Variants in GMIP observed in about 807,000 individuals in gnomAD.
The protein encoded by GMIP is GEM-interacting protein.
A neutral mutation model predicts 105.3 loss-of-function variants in GMIP; 54 were observed. That is an observed-to-expected ratio of 0.51 (90% CI 0.41 to 0.64). GMIP has a LOEUF of 0.64. GMIP is among the 30% of genes least tolerant of loss of function. The pLI is 0.00. For synonymous variants in GMIP, 541 were observed against 560.8 expected (o/e 0.96, Z 0.50); for missense variants, 1,110 against 1,319.4 (o/e 0.84, Z 2.46).
chr19:19,642,775 G>A (rs911197788), intron 1 of GMIP, among the ~76,000 whole-genome samples, 156 bp from the exon 2 acceptor site: 6 of 152,018 alleles, frequency 3.9e-5, no homozygotes, highest in African/African-American at 1.4e-4. Context: ...ACTCGAGGCA[G>A]GCAGATGGAC....
chr19:19,633,288 C>G (rs1200908424), intron 19 of GMIP, among the ~76,000 whole-genome samples: 1 of 152,134 alleles, frequency 6.6e-6, no homozygotes, highest in Non-Finnish European at 1.5e-5. Context: ...GAACTCCTGA[C>G]CTCAGGTGAT....
rs770029564 is a variant in GMIP, at chr19:19,633,814, T to G, written c.2461A>C (p.Thr821Pro). 1 of 1,465,274 alleles carries G rather than the reference T, an allele frequency of 6.8e-7. No individual in the cohort carries two copies. Among genetic ancestry groups the G allele is most frequent in the Non-Finnish European group, 9.0e-7 (1 of 1,107,244 alleles). The allele number at this position is 1,465,274 out of a possible 1,614,324, so 90.8% of individuals were successfully genotyped here. The change falls in exon 19 of 21, where the codon ACA becomes CCA. Residue 821 changes from threonine (T) to proline (P), a missense_variant. Physicochemically the swap from Thr to Pro is conservative, Grantham distance 38. This residue lies in a region of GMIP where 394 missense variants were observed against 450.5 expected (regional missense o/e 0.87). Coordinates refer to ENST00000203556, the MANE Select transcript of GMIP (RefSeq NM_016573.4). ...HSTLEQHPTA[T>P]PTEIPTPQSD... ...CAGTGGGTTCTTACCTCGGTAGGTG[T>G]GGCCGTGGGATGCTGCTCCAGGGTA...
At chr19:19,632,357 T>C (rs2061805514) in intron 19 of GMIP, among the ~76,000 whole-genome samples, 1 of 152,034 alleles carries the variant, frequency 6.6e-6, no homozygotes, top group Non-Finnish European at 1.5e-5. Context: ...CCCAGCACTT[T>C]GGGAGGCTGA....
At position 19,638,313 on chromosome 19, in the gene GMIP, G is replaced by A. The variant is rs1034814085; in HGVS notation, c.635C>T (p.Ala212Val). The A allele has an allele frequency of 1.9e-6, 3 of 1,613,352 alleles. No individual in the cohort carries two copies. The highest frequency in any genetic ancestry group is 1.3e-5 in the African/African-American group (1 of 74,938). The change falls in exon 9 of 21, where the codon GCA becomes GTA. Residue 212 changes from alanine to valine, a missense_variant. Physicochemically the swap from Ala to Val is moderately conservative, Grantham distance 64. Transcript: ENST00000203556. ...EQKRMNEAVQ[A>V]LRRAQLQYVQ... is the part of the protein sequence containing the mutation. ...ATACTGCAGCTGGGCGCGCCGCAGT[G>A]CCTGCACCGCCTCATTCTGGGGGAT...
At position 19,642,615 on chromosome 19, in the gene GMIP, G is replaced by T; in HGVS notation, c.24C>A (p.Leu8=). ...TCTTCCTGCCCTCAGGACCTGGGGG[G>T]AGTCCTAGGGGAGGGGAGTGTAATA... MDAAEPG[L]PPGPEGRKRY... Residue 8 remains leucine (L), a synonymous_variant, in exon 2 of 21, where the codon CTC becomes CTA. Coordinates refer to ENST00000203556, the MANE Select transcript of GMIP (RefSeq NM_016573.4). 6.3e-7 allele frequency: 1 copy of T among 1,581,314 alleles called. No homozygotes were observed. Among genetic ancestry groups the T allele is most frequent in the Non-Finnish European group, 8.7e-7 (1 of 1,151,350 alleles).
rs1439804499 is a variant in GMIP at position 19,630,665 on chromosome 19, G to A, written c.2473-128C>T. ...CCAGTGCAAAGGCCCTGAGGTAGGA[G>A]CATGCCTGGTATGTTAGGACGCAGC... On this transcript the variant is annotated intron_variant, in intron 19 of 20. Coordinates refer to ENST00000203556, the MANE Select transcript of GMIP (RefSeq NM_016573.4). This position sits in a 1 kb window ranked among gnomAD's most constrained non-coding sequence, Gnocchi z 4.8. 2 of 768,332 alleles carry A rather than the reference G, an allele frequency of 2.6e-6. No homozygotes were observed. The highest frequency in any genetic ancestry group is 4.5e-6 in the Non-Finnish European group (2 of 447,758). The allele number at this position is 768,332 out of a possible 1,614,324, so 47.6% of individuals were successfully genotyped here. A position where few individuals can be genotyped will look rare whatever the true frequency, so the allele number is the denominator to read the frequency against.
chr19:19,636,598 G>A (rs897113377), intron 13 of GMIP, 109 bp downstream of exon 13: 3 of 801,192 alleles, frequency 3.7e-6, no homozygotes, highest in Non-Finnish European at 6.8e-6. Flanking sequence ...TCAGGGGTGT[G>A]GGGTAGGTCA....
Position 19,629,839 on chromosome 19 carries a change from C to T in GMIP, c.*124G>A, listed in dbSNP as rs1435990680. 1.2e-5 allele frequency: 11 copies of T among 951,128 alleles called. No individual in the cohort carries two copies. Among genetic ancestry groups the T allele is most frequent in the Non-Finnish European group, 1.7e-5 (11 of 650,748 alleles). 58.9% of individuals were successfully genotyped at this position (951,128 alleles called of 1,614,324 possible). Reference sequence around the variant, plus strand: ...TTAAATAGTTTTTCCTTATAGGAACCCTCTGGACCTCTCCCAGCATTGAAC... The same window carrying T: ...TTAAATAGTTTTTCCTTATAGGAACTCTCTGGACCTCTCCCAGCATTGAAC... On this transcript the variant is annotated 3_prime_UTR_variant, in exon 21 of 21. Transcript: ENST00000203556.
In GMIP at chr19:19,636,732, G is replaced by A. The variant is rs1380930134; in HGVS notation, c.1302C>T (p.Ser434=). 2 of 1,613,606 alleles carry A rather than the reference G, an allele frequency of 1.2e-6. No homozygotes were observed. The highest frequency in any genetic ancestry group is 3.3e-5 in the Admixed American group (2 of 59,968). ...DSVGGGSESR[S]LDSPTSSPGA... ...CTGGGCTGGAAGTGGGTGAGTCCAG[G>A]GACCGAGACTCGCTGCCGCCACCCA... The change falls in exon 13 of 21, where the codon TCC becomes TCT. Residue 434 remains serine (S), a synonymous_variant. Transcript: ENST00000203556.
chr19:19,634,767 C>T lies in GMIP; in HGVS notation c.1887+25G>A, dbSNP rs373919858. 2.5e-6 allele frequency: 4 copies of T among 1,612,136 alleles called. No individual in the cohort carries two copies. Among genetic ancestry groups the T allele is most frequent in the African/African-American group, 1.3e-5 (1 of 74,736 alleles). ...GGCTGTGGAGGGCTCCTGCCCGCGT[C>T]CCCCTCAGTGTCCTGAGCACCAACC... On this transcript the variant is annotated intron_variant, in intron 17 of 20. Transcript: ENST00000203556. This position sits in a 1 kb window ranked among gnomAD's most constrained non-coding sequence, Gnocchi z 6.1.
Position 19,629,641 on chromosome 19 carries a change from G to T in GMIP, c.*322C>A. The T allele has an allele frequency of 3.4e-6, 1 of 297,444 alleles. No homozygotes were observed. The highest frequency in any genetic ancestry group is 6.3e-6 in the Non-Finnish European group (1 of 159,062). 18.4% of individuals were successfully genotyped at this position (297,444 alleles called of 1,614,324 possible). On this transcript the variant is annotated 3_prime_UTR_variant, in exon 21 of 21. Coordinates refer to ENST00000203556, the MANE Select transcript of GMIP (RefSeq NM_016573.4). ...TAGCAAAAGCACCCCTGTCCCAGGT[G>T]TCAGAGACTAGGGTGGACCCCAAGG...
intron 19 of GMIP, among the ~76,000 whole-genome samples, chr19:19,631,564 A>G (rs2061795576): frequency 6.6e-6 from 1 of 152,234 alleles, no homozygotes; most frequent in Non-Finnish European, 1.5e-5. Flanking sequence ...CAGGAATGGC[A>G]GATGCAGCAA....
In GMIP at chr19:19,637,276, C is replaced by T; in HGVS notation, c.1124+89G>A. On this transcript the variant is annotated intron_variant, in intron 11 of 20. Coordinates refer to ENST00000203556, the MANE Select transcript of GMIP (RefSeq NM_016573.4). This position sits in a 1 kb window ranked among gnomAD's most constrained non-coding sequence, Gnocchi z 6.7. ...CTAAATTCCACTAAGGCTTTGCGTT[C>T]TCTAACCTCGAGTAACCAGCCTGCG... 9.3e-6 allele frequency: 9 copies of T among 964,944 alleles called. No homozygotes were observed. Among genetic ancestry groups the T allele is most frequent in the Non-Finnish European group, 1.2e-5 (8 of 646,600 alleles). 59.8% of individuals were successfully genotyped at this position (964,944 alleles called of 1,614,324 possible).
Position 19,630,185 on chromosome 19 carries a change from C to A in GMIP, c.2691G>T (p.Glu897Asp). The part of the protein sequence containing the change: ...LALVASKLCE[E>D]TPITSVPRGS... ...CTCTGGGCACTGATGTGATGGGGGT[C>A]TCCTCGCACAGCTTGGAAGCCACCA... Residue 897 changes from glutamate (E) to aspartate (D), a missense_variant, in exon 21 of 21, where the codon GAG becomes GAT. Physicochemically the swap from Glu to Asp is conservative, Grantham distance 45. Coordinates refer to ENST00000203556, the MANE Select transcript of GMIP (RefSeq NM_016573.4). This position sits in a 1 kb window ranked among gnomAD's most constrained non-coding sequence, Gnocchi z 4.8. 1.2e-6 allele frequency: 2 copies of A among 1,602,452 alleles called. No individual in the cohort carries two copies. The highest frequency in any genetic ancestry group is 1.7e-6 in the Non-Finnish European group (2 of 1,171,834).
At position 19,634,835 on chromosome 19, in the gene GMIP, G is replaced by A. The variant is rs1448417124; in HGVS notation, c.1844C>T (p.Ser615Leu). Residue 615 changes from serine to leucine, a missense_variant, in exon 17 of 21, where the codon TCG becomes TTG. This residue lies in a region of GMIP where 49 missense variants were observed against 95.6 expected (regional missense o/e 0.51). Coordinates refer to ENST00000203556, the MANE Select transcript of GMIP (RefSeq NM_016573.4). The surrounding 1 kb of genome is among the most constrained non-coding windows in gnomAD (Gnocchi z 6.1). ...GAGGACACTCGAGACGTCATGAGGCGAGTTCCCCGACAGCTCCACCAACGC... is the reference window on the plus strand; with the variant it reads ...GAGGACACTCGAGACGTCATGAGGCAAGTTCCCCGACAGCTCCACCAACGC... Reference protein sequence around the residue: ...GRALVELSGNSPHDVSSVLKR... With the variant: ...GRALVELSGNLPHDVSSVLKR... 6 of 1,613,860 alleles carry A rather than the reference G, an allele frequency of 3.7e-6. No individual in the cohort carries two copies. The highest frequency in any genetic ancestry group is 1.1e-5 in the South Asian group (1 of 91,084).
At chr19:19,642,923 T>G (rs1013513506) in intron 1 of GMIP, among the ~76,000 whole-genome samples, 4 of 151,962 alleles carry the variant, frequency 2.6e-5, no homozygotes, top group African/African-American at 9.7e-5. Flanking sequence ...AAAGCCGGTC[T>G]GACAATGGAA....
Position 19,630,691 on chromosome 19 carries a change from C to T in GMIP, c.2473-154G>A, listed in dbSNP as rs973963434. Among the ~76,000 whole-genome samples, 5 of 152,106 alleles carry T rather than the reference C, an allele frequency of 3.3e-5. No individual in the cohort carries two copies. Among genetic ancestry groups the T allele is most frequent in the African/African-American group, 1.2e-4 (5 of 41,422 alleles). On this transcript the variant is annotated intron_variant, in intron 19 of 20. Transcript: ENST00000203556. The surrounding 1 kb of genome is among the most constrained non-coding windows in gnomAD (Gnocchi z 4.8). ...CATGCCTGGTATGTTAGGACGCAGCCCCACCCTGTAATGAATGAGGGAAAG... is the reference window on the plus strand; with the variant it reads ...CATGCCTGGTATGTTAGGACGCAGCTCCACCCTGTAATGAATGAGGGAAAG...
At position 19,630,257 on chromosome 19, in the gene GMIP, G is replaced by A. The variant is rs762075421; in HGVS notation, c.2619C>T (p.Pro873=). The A allele has an allele frequency of 1.3e-6, 2 of 1,564,510 alleles. No homozygotes were observed. Among genetic ancestry groups the A allele is most frequent in the African/African-American group, 1.4e-5 (1 of 73,604 alleles). The change falls in exon 21 of 21, where the codon CCC becomes CCT. Residue 873 remains proline (P), a synonymous_variant. Transcript: ENST00000203556. The surrounding 1 kb of genome is among the most constrained non-coding windows in gnomAD (Gnocchi z 4.8). ...GGGTTACAGGCCTCACACCGCCCCG[G>A]GGATACTTCACTGGCTGGCGGCTGA... ...GHFSRQPVKY[P]RGGVRPVTHQ... is the part of the protein sequence containing the mutation.
chr19:19,642,789 C>T (rs2061937053), intron 1 of GMIP, among the ~76,000 whole-genome samples, 170 bp from the exon 2 acceptor site: 1 of 152,050 alleles, frequency 6.6e-6, no homozygotes, highest in Non-Finnish European at 1.5e-5. Context: ...GATGGACTCA[C>T]ACACCACCAG....
Sources: allele counts gnomAD v4.1 joint callset (sites outside exome capture counted in the v4.1 genomes callset), GRCh38; gene constraint gnomAD v4.1.1; regional missense constraint gnomAD v4.1.1; non-coding constraint Gnocchi (gnomAD v3.1); transcripts MANE v1.5; gene names NCBI Gene and HGNC (gene_info 2026-07-23, HGNC 2026-07-21).